Variants in PTPRD observed in about 807,000 individuals in gnomAD.
PTPRD encodes protein tyrosine phosphatase receptor type D.
Under a neutral mutation model 214.5 loss-of-function variants are expected in PTPRD, and 34 were observed. The ratio of observed to expected loss-of-function variants is 0.16; its 90% CI spans 0.12 to 0.21. PTPRD has a LOEUF of 0.21. PTPRD is among the 10% of genes least tolerant of loss of function. The pLI, the probability that PTPRD is intolerant of heterozygous loss-of-function variation, is 1.00. For synonymous variants in PTPRD, 1,128 were observed against 845.7 expected (o/e 1.33, Z -5.79); for missense variants, 2,545 against 2,398.7 (o/e 1.06, Z -1.27).
At chr9:9,019,360 G>GAA (rs879330252) in intron 10 of PTPRD, among the ~76,000 whole-genome samples, 4 of 149,720 alleles carry the variant, frequency 2.7e-5, no homozygotes, top group South Asian at 2.2e-4. Flanking sequence ...AAGAAAGAAA[G>GAA]AATCTGAATT....
chr9:9,788,344 GATCGAGACCATCC>G (rs2098941309), intron 5 of PTPRD, among the ~76,000 whole-genome samples: 4 of 151,092 alleles, frequency 2.6e-5, no homozygotes, highest in African/African-American at 9.7e-5. Context: ...GAAGTCAGGA[GATCGAGACCATCC>G]TGACTAACAC....
chr9:9,682,761 C>A (rs890116428), intron 7 of PTPRD, among the ~76,000 whole-genome samples: 1 of 151,762 alleles, frequency 6.6e-6, no homozygotes, highest in Non-Finnish European at 1.5e-5. Flanking sequence ...ATGCAAAATC[C>A]TTTAAGAAAG....
intron 14 of PTPRD, among the ~76,000 whole-genome samples, chr9:8,533,878 T>C (rs2076294691): frequency 6.6e-6 from 1 of 152,030 alleles, no homozygotes; most frequent in Non-Finnish European, 1.5e-5. Flanking sequence ...TGTCATTCAT[T>C]GAAATACCAT....
chr9:9,308,097 ATGTATAACTGTGGCATTTT>A (rs1957707284), intron 9 of PTPRD, among the ~76,000 whole-genome samples: 1 of 152,178 alleles, frequency 6.6e-6, no homozygotes, highest in Admixed American at 6.5e-5. Flanking sequence ...GAAAAAGAGA[ATGTATAACTGTGGCATTTT>A]GAAGTAAATT....
intron 10 of PTPRD, among the ~76,000 whole-genome samples, chr9:9,069,901 A>C (rs1297764751): frequency 6.6e-6 from 1 of 152,188 alleles, no homozygotes; most frequent in African/African-American, 2.4e-5. Context: ...AGGATCATCT[A>C]TTGCTTATTA....
chr9:9,874,728 G>A (rs1444032536), intron 5 of PTPRD, among the ~76,000 whole-genome samples: 1 of 152,052 alleles, frequency 6.6e-6, no homozygotes, highest in African/African-American at 2.4e-5. Flanking sequence ...GCACAAGACG[G>A]TCTCCCTAAA....
intron 3 of PTPRD, among the ~76,000 whole-genome samples, chr9:10,094,617 T>C (rs1362375797): frequency 2.0e-5 from 3 of 150,104 alleles, no homozygotes; most frequent in Admixed American, 1.3e-4. Flanking sequence ...TTTCGGACAT[T>C]ACCCACATCT....
At chr9:8,450,111 G>A (rs1564895216) in intron 33 of PTPRD, among the ~76,000 whole-genome samples, 1 of 152,086 alleles carries the variant, frequency 6.6e-6, no homozygotes, top group Non-Finnish European at 1.5e-5. Context: ...GTTTCAAAGG[G>A]ATCTTGGTGA....
At chr9:9,877,922 G>A (rs568787641) in intron 5 of PTPRD, among the ~76,000 whole-genome samples, 1 of 136,294 alleles carries the variant, frequency 7.3e-6, no homozygotes, top group East Asian at 2.3e-4. Flanking sequence ...GCGGTGAGCT[G>A]AGATCACGCC....
At chr9:8,378,725 A>G (rs1242785128) in intron 37 of PTPRD, among the ~76,000 whole-genome samples, 3 of 152,128 alleles carry the variant, frequency 2.0e-5, no homozygotes, top group Admixed American at 6.6e-5. Context: ...TGATCTATAC[A>G]GCCAGTTCAA....
At chr9:8,904,826 T>A (rs2098696432) in intron 11 of PTPRD, among the ~76,000 whole-genome samples, 1 of 152,232 alleles carries the variant, frequency 6.6e-6, no homozygotes, top group Non-Finnish European at 1.5e-5. Flanking sequence ...TCATAATGCA[T>A]GTTTTCATAT....
intron 10 of PTPRD, among the ~76,000 whole-genome samples, chr9:9,052,151 G>A (rs889373202): frequency 2.6e-5 from 4 of 152,130 alleles, no homozygotes; most frequent in African/African-American, 7.2e-5. Flanking sequence ...GCACCTTCTC[G>A]CTGTGCTCCC....
At chr9:10,539,991 C>G (rs2058729964) in intron 2 of PTPRD, among the ~76,000 whole-genome samples, 1 of 152,118 alleles carries the variant, frequency 6.6e-6, no homozygotes, top group African/African-American at 2.4e-5. Flanking sequence ...TTCAGATAAA[C>G]TAAATCAACA....
intron 11 of PTPRD, among the ~76,000 whole-genome samples, chr9:8,917,352 G>T (rs938290140): frequency 2.0e-5 from 3 of 150,476 alleles, no homozygotes; most frequent in African/African-American, 7.3e-5. Context: ...TGGCCAGGCT[G>T]GTCTCCAACT....
chr9:10,202,016 T>G (rs965216533), intron 3 of PTPRD, among the ~76,000 whole-genome samples: 1 of 152,036 alleles, frequency 6.6e-6, no homozygotes, highest in Non-Finnish European at 1.5e-5. Context: ...TTTTGAACAG[T>G]TGATCATTCA....
chr9:8,606,114 C>A (rs540406114), intron 14 of PTPRD, among the ~76,000 whole-genome samples: 9 of 152,182 alleles, frequency 5.9e-5, no homozygotes, highest in Admixed American at 1.3e-4. Context: ...CAAAATCTCT[C>A]TGAAGGCATG....
intron 8 of PTPRD, among the ~76,000 whole-genome samples, chr9:9,529,911 T>A (rs1204882687): frequency 6.6e-6 from 1 of 151,978 alleles, no homozygotes; most frequent in Non-Finnish European, 1.5e-5. Flanking sequence ...TTTGAGTATT[T>A]ATGCAGCTGT....
intron 37 of PTPRD, among the ~76,000 whole-genome samples, chr9:8,380,154 T>C (rs1032767724): frequency 1.3e-5 from 2 of 152,140 alleles, no homozygotes; most frequent in Admixed American, 6.5e-5. Flanking sequence ...ATGTTATTAA[T>C]TTCAGCAGAT....
At chr9:8,759,378 C>A (rs1252269153) in intron 11 of PTPRD, among the ~76,000 whole-genome samples, 2 of 151,904 alleles carry the variant, frequency 1.3e-5, no homozygotes, top group Non-Finnish European at 2.9e-5. Context: ...TAATTTTGAT[C>A]TCTATTGTGT....
Sources: gnomAD v4.1 joint callset for allele counts (sites outside exome capture counted in the v4.1 genomes callset) on GRCh38, gnomAD v4.1.1 for gene constraint, MANE v1.5 for transcripts, NCBI Gene and HGNC (gene_info 2026-07-23, HGNC 2026-07-21) for gene names.